Variants in ARIH2 observed in about 807,000 individuals in gnomAD.
The protein encoded by ARIH2 is E3 ubiquitin-protein ligase ARIH2.
Under a neutral mutation model 79.8 loss-of-function variants are expected in ARIH2, and 12 were observed. The observed-to-expected ratio is 0.15, with a 90% confidence interval of 0.10 to 0.24. The LOEUF is 0.24. Ranked by LOEUF, ARIH2 falls within the 10% of genes least tolerant of loss-of-function variation. The probability of loss-of-function intolerance (pLI) is 1.00; values close to 1 mark genes in which losing one functional copy is unlikely to be tolerated. For missense variants in ARIH2, 301 were observed against 618.3 expected (o/e 0.49, Z 5.44); for synonymous variants, 224 against 213.9 (o/e 1.05, Z -0.41).
intron 1 of ARIH2, chr3:48,922,340 G>A (rs921713024): frequency 5.1e-5 from 7 of 138,260 alleles, no homozygotes; most frequent in African/African-American, 1.9e-4. Context: ...GAATTTTCTT[G>A]TCACCCAGGC....
intron 14 of ARIH2, among the ~76,000 whole-genome samples, chr3:48,982,482 A>G (rs2092785991): frequency 6.6e-6 from 1 of 152,182 alleles, no homozygotes; most frequent in Non-Finnish European, 1.5e-5. Context: ...TAGATGTATG[A>G]TTACTAAGTA....
At chr3:48,963,698 T>A (rs555949519) in intron 4 of ARIH2, among the ~76,000 whole-genome samples, 1 of 152,336 alleles carries the variant, frequency 6.6e-6, no homozygotes, top group East Asian at 1.9e-4. Flanking sequence ...ATTTACCACT[T>A]TACACGCTCA....
In ARIH2 at chr3:48,949,846, A is replaced by G. The variant is rs527640047; in HGVS notation, c.256-11766A>G. Among the ~76,000 whole-genome samples, 340 of 150,542 alleles carry G rather than the reference A, an allele frequency of 2.3e-3. 12 individuals carry two copies. The highest frequency in any genetic ancestry group is 0.022 in the Admixed American group (335 of 15,106). Reference sequence around the variant, plus strand: ...TTTTTTTTAATCTTTTTTTTACTCCATCTAGTTCTGCTTCCTACTTTTCCA... The same window carrying G: ...TTTTTTTTAATCTTTTTTTTACTCCGTCTAGTTCTGCTTCCTACTTTTCCA... On this transcript the variant is annotated intron_variant, in intron 3 of 15. Coordinates refer to ENST00000356401, the MANE Select transcript of ARIH2 (RefSeq NM_006321.4).
At chr3:48,948,117 C>T (rs1364744703) in intron 3 of ARIH2, among the ~76,000 whole-genome samples, 10 of 152,108 alleles carry the variant, frequency 6.6e-5, no homozygotes, top group South Asian at 4.1e-4. Context: ...CCCACCACCA[C>T]GCCTGGCTAA....
At chr3:48,947,290 A>C (rs1278323354) in intron 3 of ARIH2, among the ~76,000 whole-genome samples, 1 of 152,208 alleles carries the variant, frequency 6.6e-6, no homozygotes, top group Non-Finnish European at 1.5e-5. Context: ...AAAAATACAA[A>C]ATTAGCCGGG....
chr3:48,963,397 G>A (rs1184765526), intron 4 of ARIH2, among the ~76,000 whole-genome samples: 2 of 152,130 alleles, frequency 1.3e-5, no homozygotes, highest in African/African-American at 2.4e-5. Flanking sequence ...GGAATAAAAC[G>A]GGCCCCTCAA....
Position 48,952,161 on chromosome 3 carries a change from C to G in ARIH2, c.256-9451C>G, listed in dbSNP as rs551869783. On this transcript the variant is annotated intron_variant, in intron 3 of 15. Coordinates refer to ENST00000356401, the MANE Select transcript of ARIH2 (RefSeq NM_006321.4). ...TTTGTTATTCAGTTCAAAACATTTT[C>G]TAATTTCTCTTTTGATTCCTGCTTT... is the stretch of plus-strand genomic sequence containing the variant. 6.6e-5 allele frequency among the ~76,000 whole-genome samples: 10 copies of G among 152,276 alleles called. No individual in the cohort carries two copies. The South Asian group carries it at 1.9e-3, about 28-fold the overall frequency.
intron 15 of ARIH2, 52 bp downstream of exon 15, chr3:48,983,031 TG>T: frequency 3.2e-6 from 5 of 1,563,712 alleles, no homozygotes; most frequent in Non-Finnish European, 4.4e-6. Context: ...AGGACTGGCA[TG>T]GTAATAGGTG....
intron 4 of ARIH2, among the ~76,000 whole-genome samples, chr3:48,963,091 C>T (rs186771788): frequency 3.7e-4 from 56 of 152,208 alleles, no homozygotes; most frequent in Middle Eastern, 3.4e-3. Flanking sequence ...TTTCCTTCTC[C>T]GGGCTGAACA....
intron 5 of ARIH2, among the ~76,000 whole-genome samples, chr3:48,966,265 C>T (rs1306271260): frequency 2.0e-5 from 3 of 152,150 alleles, no homozygotes; most frequent in Non-Finnish European, 4.4e-5. Context: ...ACAAAGGTTT[C>T]CAGAAGCAAA....
chr3:48,923,601 A>T (rs897961460), intron 2 of ARIH2, among the ~76,000 whole-genome samples: 1 of 150,374 alleles, frequency 6.7e-6, no homozygotes, highest in African/African-American at 2.5e-5. Flanking sequence ...GTCTCACTGC[A>T]GTCTTTGCCT....
intron 3 of ARIH2, chr3:48,943,259 A>G (rs1399955248): frequency 6.6e-6 from 1 of 151,970 alleles, no homozygotes; most frequent in East Asian, 1.9e-4. Context: ...TCCTCTCCCT[A>G]ACTCATATAC....
At chr3:48,983,044 C>G in intron 15 of ARIH2, 65 bp downstream of exon 15, 1 of 1,549,060 alleles carries the variant, frequency 6.5e-7, no homozygotes, top group South Asian at 1.1e-5. Flanking sequence ...TAATAGGTGA[C>G]AGCGTTGTTG....
At chr3:48,948,110 A>G (rs2089445472) in intron 3 of ARIH2, among the ~76,000 whole-genome samples, 1 of 151,652 alleles carries the variant, frequency 6.6e-6, no homozygotes, top group Non-Finnish European at 1.5e-5. Context: ...ACAGGCGCCC[A>G]CCACCACGCC....
intron 3 of ARIH2, among the ~76,000 whole-genome samples, chr3:48,941,318 G>A (rs2088179945): frequency 6.6e-6 from 1 of 152,184 alleles, no homozygotes; most frequent in Non-Finnish European, 1.5e-5. Context: ...AACTGATGGA[G>A]GAACTAAAAA....
chr3:48,975,119 A>C, intron 11 of ARIH2, 140 bp downstream of exon 11: 1 of 1,393,224 alleles, frequency 7.2e-7, no homozygotes, highest in Non-Finnish European at 9.9e-7. Flanking sequence ...AGTAACTGGC[A>C]TAAAGTAGCT....
intron 3 of ARIH2, among the ~76,000 whole-genome samples, chr3:48,940,968 G>A (rs1284812999): frequency 1.1e-4 from 17 of 151,266 alleles, no homozygotes; most frequent in Non-Finnish European, 2.2e-4. Context: ...AGGAGATCAA[G>A]ACTATCCTGG....
chr3:48,959,660 AAAAAAAAAAAAAAAAG>A (rs1484075788), intron 3 of ARIH2, among the ~76,000 whole-genome samples: 1 of 128,674 alleles, frequency 7.8e-6, no homozygotes, highest in Non-Finnish European at 1.8e-5. Flanking sequence ...AAAAAAAAAA[AAAAAAAAAAAAAAAAG>A]AAAAGAAAAT....
intron 3 of ARIH2, among the ~76,000 whole-genome samples, chr3:48,939,774 AAAC>A (rs1365602960): frequency 2.2e-4 from 32 of 147,248 alleles, no homozygotes; most frequent in Non-Finnish European, 3.9e-4. Flanking sequence ...AAAAAAAAAA[AAAC>A]AAAAACAAAA....
Sources: allele counts gnomAD v4.1 joint callset (sites outside exome capture counted in the v4.1 genomes callset), GRCh38; gene constraint gnomAD v4.1.1; transcripts MANE v1.5; gene names NCBI Gene and HGNC (gene_info 2026-07-23, HGNC 2026-07-21).